TMEM232: variants seen among roughly 807,000 people sequenced by gnomAD.
TMEM232 encodes transmembrane protein 232.
Under a neutral mutation model 78.8 loss-of-function variants are expected in TMEM232, and 80 were observed. The ratio of observed to expected loss-of-function variants is 1.01; its 90% CI spans 0.85 to 1.22. TMEM232 has a LOEUF of 1.22. Among genes scored for constraint, TMEM232 ranks in the 50% most tolerant of loss-of-function variants. The probability of loss-of-function intolerance (pLI) is 0.00; values close to 1 mark genes in which losing one functional copy is unlikely to be tolerated. For synonymous variants in TMEM232, 297 were observed against 254.3 expected (o/e 1.17, Z -1.60); for missense variants, 881 against 742.2 (o/e 1.19, Z -2.17).
chr5:110,738,899 G>A (rs1799501153), upstream of TMEM232: 1 of 1,250,896 alleles, frequency 8.0e-7, no homozygotes, highest in South Asian at 1.6e-5. Context: ...TTAAGGTCCA[G>A]GTTACCGCCG....
At chr5:110,554,837 CTTA>C (rs1446952017) in intron 11 of TMEM232, among the ~76,000 whole-genome samples, 1 of 152,032 alleles carries the variant, frequency 6.6e-6, no homozygotes, top group Non-Finnish European at 1.5e-5. Flanking sequence ...AATTTCATAA[CTTA>C]TTATTGGTCT....
At chr5:110,465,088 A>G (rs1761933195) in intron 12 of TMEM232, among the ~76,000 whole-genome samples, 1 of 152,248 alleles carries the variant, frequency 6.6e-6, no homozygotes, top group Non-Finnish European at 1.5e-5. Flanking sequence ...GCACTACCAA[A>G]TGATCTTCAA....
chr5:110,662,275 A>G (rs1332239515), intron 2 of TMEM232, among the ~76,000 whole-genome samples: 1 of 152,142 alleles, frequency 6.6e-6, no homozygotes, highest in African/African-American at 2.4e-5. Context: ...AAATCTAACA[A>G]TGCCTCTGTG....
intron 1 of TMEM232, among the ~76,000 whole-genome samples, chr5:110,692,395 T>G (rs1298103607): frequency 6.6e-6 from 1 of 152,224 alleles, no homozygotes; most frequent in Non-Finnish European, 1.5e-5. Flanking sequence ...ATGGGTGATT[T>G]CTGCATATCC....
Position 110,558,608 on chromosome 5 carries a change from C to T in TMEM232, c.1455+9839G>A, listed in dbSNP as rs141392605. Among the ~76,000 whole-genome samples, 721 of 152,160 alleles carry T rather than the reference C, an allele frequency of 4.7e-3. 7 individuals carry two copies. Among genetic ancestry groups the T allele is most frequent in the Non-Finnish European group, 5.5e-3 (373 of 67,996 alleles). ...AAGGGGGTGCTCAGATAAGACTAGC[C>T]TCATCCCACAGGTAAGATAGCCCTG... On this transcript the variant is annotated intron_variant, in intron 11 of 13. Coordinates refer to ENST00000455884, the MANE Select transcript of TMEM232 (RefSeq NM_001039763.4).
chr5:110,609,231 G>C lies in TMEM232; in HGVS notation c.903-2944C>G, dbSNP rs531920246. Reference sequence around the variant, plus strand: ...CATTGACAATGTCAAAAATCCACATGATCCCGAAAACAGAAAGAGACATCA... The same window carrying C: ...CATTGACAATGTCAAAAATCCACATCATCCCGAAAACAGAAAGAGACATCA... On this transcript the variant is annotated intron_variant, in intron 8 of 13. Coordinates refer to ENST00000455884, the MANE Select transcript of TMEM232 (RefSeq NM_001039763.4). 2.6e-5 allele frequency among the ~76,000 whole-genome samples: 4 copies of C among 152,056 alleles called. No homozygotes were observed. In the South Asian group the frequency reaches 8.3e-4, roughly 32 times the overall value.
intron 8 of TMEM232, among the ~76,000 whole-genome samples, chr5:110,612,241 C>T (rs1782394502): frequency 6.6e-6 from 1 of 152,092 alleles, no homozygotes. Flanking sequence ...AAAGACAAGA[C>T]TAAAATTCAT....
chr5:110,396,405 T>G (rs1755389821), intron 3 of TMEM232, among the ~76,000 whole-genome samples: 1 of 152,188 alleles, frequency 6.6e-6, no homozygotes, highest in African/African-American at 2.4e-5. Flanking sequence ...AAAGTTATAA[T>G]TTGTTTAATT....
chr5:110,670,109 A>G (rs986874511), intron 1 of TMEM232, among the ~76,000 whole-genome samples: 2 of 152,222 alleles, frequency 1.3e-5, no homozygotes, highest in Non-Finnish European at 2.9e-5. Context: ...CTTATTCAAT[A>G]TAGTGTTGGA....
At chr5:110,684,203 T>A (rs901559400) in intron 1 of TMEM232, among the ~76,000 whole-genome samples, 9 of 151,880 alleles carry the variant, frequency 5.9e-5, no homozygotes, top group Non-Finnish European at 1.3e-4. Context: ...AATAGGCAGT[T>A]GCAGTCAAGA....
chr5:110,556,691 G>T (rs1775134807), intron 11 of TMEM232, among the ~76,000 whole-genome samples: 1 of 152,040 alleles, frequency 6.6e-6, no homozygotes, highest in Non-Finnish European at 1.5e-5. Context: ...TTTCTTTTAG[G>T]ATGCAGAATA....
chr5:110,579,399 T>G (rs4128660), intron 10 of TMEM232, among the ~76,000 whole-genome samples: 13,901 of 151,648 alleles, frequency 0.092, 642 homozygotes, highest in Admixed American at 0.12. Context: ...TATGATAGCA[T>G]AAGAAAATAT....
intron 6 of TMEM232, 78 bp downstream of exon 6, chr5:110,627,703 G>C (rs573013030): frequency 9.8e-7 from 1 of 1,016,764 alleles, no homozygotes; most frequent in Non-Finnish European, 1.4e-6. Flanking sequence ...TGCAGCTTAC[G>C]TTCTTTATAG....
At chr5:110,634,365 A>G (rs777349978) in intron 5 of TMEM232, among the ~76,000 whole-genome samples, 1 of 152,132 alleles carries the variant, frequency 6.6e-6, no homozygotes, top group South Asian at 2.1e-4. Context: ...TATTCACAGA[A>G]TATTTTTCCC....
intron 9 of TMEM232, 93 bp downstream of exon 9, chr5:110,606,071 A>G (rs1308765162): frequency 9.3e-6 from 11 of 1,183,482 alleles, no homozygotes; most frequent in Middle Eastern, 2.5e-4. Context: ...TATGCATACT[A>G]TATGCGCTAA....
chr5:110,424,700 CA>C (rs1757051595), intron 13 of TMEM232, 122 bp downstream of exon 13: 1 of 776,324 alleles, frequency 1.3e-6, no homozygotes, highest in African/African-American at 1.8e-5. Flanking sequence ...TTTGGCAAAC[CA>C]ATCATGGCTC....
chr5:110,567,026 T>A (rs1404321863), intron 11 of TMEM232, among the ~76,000 whole-genome samples: 1 of 151,778 alleles, frequency 6.6e-6, no homozygotes, highest in Non-Finnish European at 1.5e-5. Context: ...AGGGAAACTG[T>A]CTTTATAAAA....
At chr5:110,689,377 G>A (rs565142446) in intron 1 of TMEM232, among the ~76,000 whole-genome samples, 2 of 151,766 alleles carry the variant, frequency 1.3e-5, no homozygotes, top group Admixed American at 6.6e-5. Context: ...TAACTTTATA[G>A]TACTAAATTT....
At chr5:110,643,029 TGGATCAGGATTACA>T (rs767471090) in intron 2 of TMEM232, among the ~76,000 whole-genome samples, 2 of 151,996 alleles carry the variant, frequency 1.3e-5, no homozygotes, top group Admixed American at 1.3e-4. Flanking sequence ...AATAGTGGCT[TGGATCAGGATTACA>T]GAATATAAAT....
Sources: allele counts gnomAD v4.1 joint callset (sites outside exome capture counted in the v4.1 genomes callset), GRCh38; gene constraint gnomAD v4.1.1; transcripts MANE v1.5; gene names NCBI Gene and HGNC (gene_info 2026-07-23, HGNC 2026-07-21).